The following ANK3 variants were observed in gnomAD, a reference collection of about 807,000 sequenced individuals.
ANK3 encodes ankyrin 3, also known as ankyrin-3.
ANK3 carries 57 observed loss-of-function variants against 370.9 expected under a neutral mutation model. The observed-to-expected ratio is 0.15, with a 90% CI of 0.12 to 0.19. The LOEUF (loss-of-function observed/expected upper bound fraction) is 0.19. Among genes scored for constraint, ANK3 ranks in the 10% least tolerant of loss-of-function variants. The probability of loss-of-function intolerance (pLI) is 1.00; values close to 1 mark genes in which losing one functional copy is unlikely to be tolerated. For missense variants in ANK3, 4,439 were observed against 5,302.1 expected (o/e 0.84, Z 5.06); for synonymous variants, 1,929 against 1,946.3 (o/e 0.99, Z 0.23).
chr10:60,668,644 A>G (rs1285103285), intron 1 of ANK3, among the ~76,000 whole-genome samples: 1 of 152,158 alleles, frequency 6.6e-6, no homozygotes, highest in Non-Finnish European at 1.5e-5. Flanking sequence ...AAGCAGGTGC[A>G]CATCAGCCAG....
chr10:60,687,006 G>A (rs1445766418), intron 1 of ANK3, among the ~76,000 whole-genome samples: 1 of 152,152 alleles, frequency 6.6e-6, no homozygotes, highest in Non-Finnish European at 1.5e-5. Context: ...CATCCATTGT[G>A]TTATATTTGC....
At chr10:60,660,201 C>G (rs1366803790) in intron 1 of ANK3, among the ~76,000 whole-genome samples, 1 of 152,088 alleles carries the variant, frequency 6.6e-6, no homozygotes, top group South Asian at 2.1e-4. Context: ...ATTCAACGTC[C>G]TATTCACTGA....
chr10:60,469,034 T>C (rs1170787377), intron 2 of ANK3, among the ~76,000 whole-genome samples: 3 of 6,722 alleles, frequency 4.5e-4, no homozygotes, highest in African/African-American at 1.8e-3. Context: ...TTTTAGTGTA[T>C]ATATATATAT....
chr10:60,179,124 A>G (rs2096067051), intron 18 of ANK3, among the ~76,000 whole-genome samples: 1 of 152,194 alleles, frequency 6.6e-6, no homozygotes, highest in Non-Finnish European at 1.5e-5. Flanking sequence ...CTTCTTTACC[A>G]GTGAGAATGT....
At chr10:60,707,043 T>G (rs891937427) in intron 1 of ANK3, among the ~76,000 whole-genome samples, 6 of 152,198 alleles carry the variant, frequency 3.9e-5, no homozygotes, top group Admixed American at 1.3e-4. Context: ...ATGTAAATAT[T>G]CCTTCACTCT....
intron 12 of ANK3, among the ~76,000 whole-genome samples, chr10:60,200,957 T>C (rs1228668179): frequency 6.6e-6 from 1 of 152,198 alleles, no homozygotes; most frequent in African/African-American, 2.4e-5. Flanking sequence ...CCAGATTACT[T>C]CTTTACTTGA....
chr10:60,440,946 T>C (rs547915374), intron 2 of ANK3, among the ~76,000 whole-genome samples: 1 of 152,292 alleles, frequency 6.6e-6, no homozygotes, highest in East Asian at 1.9e-4. Context: ...AGTTTTAAAA[T>C]ACTGAGTTTG....
intron 2 of ANK3, among the ~76,000 whole-genome samples, chr10:60,451,979 A>G (rs1253068655): frequency 1.3e-5 from 2 of 152,230 alleles, no homozygotes; most frequent in Non-Finnish European, 2.9e-5. Flanking sequence ...TCACCAGCAC[A>G]TGGATGTGAG....
chr10:60,361,927 C>T (rs899557748), intron 1 of ANK3, among the ~76,000 whole-genome samples: 37 of 151,942 alleles, frequency 2.4e-4, no homozygotes, highest in African/African-American at 3.4e-4. Flanking sequence ...CACATACACA[C>T]GGTTTCAAAA....
chr10:60,532,335 G>A (rs114278442), intron 2 of ANK3, among the ~76,000 whole-genome samples: 2,266 of 152,196 alleles, frequency 0.015, 57 homozygotes, highest in African/African-American at 0.051. Flanking sequence ...TACACAACCA[G>A]GGTGCTGCTG....
chr10:60,181,419 C>A lies in ANK3; in HGVS notation c.2094G>T (p.Leu698=), dbSNP rs1211889642. 1.2e-6 allele frequency: 2 copies of A among 1,614,014 alleles called. No homozygotes were observed. The highest frequency in any genetic ancestry group is 1.7e-6 in the Non-Finnish European group (2 of 1,180,010). ...CTTGAGCAGCCAAATGGAGTGGGGT[C>A]AGGCCGCTCTGCAAAAGATTCAAAG... is the stretch of plus-strand genomic sequence containing the variant. ...ANVNLSNKSG[L]TPLHLAAQED... is the part of the protein sequence containing the mutation. The change falls in exon 18 of 44, where the codon CTG becomes CTT. Residue 698 remains leucine (L), a synonymous_variant. Transcript: ENST00000280772.
intron 2 of ANK3, among the ~76,000 whole-genome samples, chr10:60,579,186 G>A (rs906846618): frequency 1.1e-4 from 16 of 151,902 alleles, no homozygotes; most frequent in African/African-American, 3.1e-4. Flanking sequence ...TTTGCTGGAA[G>A]TGGTGGCACG....
intron 1 of ANK3, among the ~76,000 whole-genome samples, chr10:60,723,293 C>T (rs770674657): frequency 6.6e-6 from 1 of 152,282 alleles, no homozygotes; most frequent in South Asian, 2.1e-4. Flanking sequence ...ATCACAACAC[C>T]TTCCTTTTCT....
rs143646813 is a variant in ANK3, at chr10:60,051,721, T to C, written c.13065+3937A>G. 2.4e-3 allele frequency: 563 copies of C among 232,086 alleles called. 4 individuals are homozygous for C. The highest frequency in any genetic ancestry group is 0.013 in the African/African-American group (540 of 41,566). 14.4% of individuals were successfully genotyped at this position (232,086 alleles called of 1,614,324 possible). ...AAACCATGATGTATATTTGTGAGAG[T>C]CTTAAAAAAAATTTAAGTGGAAGAA... On this transcript the variant is annotated intron_variant, in intron 42 of 43. Transcript: ENST00000280772.
At chr10:60,655,895 T>C (rs2078857017) in intron 1 of ANK3, among the ~76,000 whole-genome samples, 1 of 152,194 alleles carries the variant, frequency 6.6e-6, no homozygotes, top group Admixed American at 6.6e-5. Context: ...CTTAGCATCG[T>C]GTTACAATTG....
intron 8 of ANK3, among the ~76,000 whole-genome samples, chr10:60,225,677 T>G (rs763909653): frequency 1.2e-4 from 19 of 152,146 alleles, no homozygotes; most frequent in Non-Finnish European, 2.6e-4. Flanking sequence ...ACCGCCTATA[T>G]GTTTAAATGA....
intron 1 of ANK3, among the ~76,000 whole-genome samples, chr10:60,331,107 G>T (rs1447656740): frequency 6.6e-6 from 1 of 151,880 alleles, no homozygotes; most frequent in Non-Finnish European, 1.5e-5. Context: ...TTACAAACTG[G>T]GCCTGTCAGG....
chr10:60,176,393 A>G (rs978979081), intron 18 of ANK3, among the ~76,000 whole-genome samples: 9 of 151,444 alleles, frequency 5.9e-5, no homozygotes, highest in Admixed American at 3.3e-4. Flanking sequence ...AAGAAAGAAA[A>G]AAAAACCAGA....
chr10:60,614,046 C>T (rs1312048383), intron 2 of ANK3, among the ~76,000 whole-genome samples: 1 of 152,080 alleles, frequency 6.6e-6, no homozygotes, highest in African/African-American at 2.4e-5. Context: ...TGCACTCCAG[C>T]CTGGGCAACA....
Sources: allele counts gnomAD v4.1 joint callset (sites outside exome capture counted in the v4.1 genomes callset), GRCh38; gene constraint gnomAD v4.1.1; transcripts MANE v1.5; gene names NCBI Gene and HGNC (gene_info 2026-07-23, HGNC 2026-07-21).